The following DNAAF1 variants were observed in gnomAD, a reference collection of about 807,000 sequenced individuals.
DNAAF1 encodes the protein dynein axonemal assembly factor 1.
In DNAAF1, 65 loss-of-function variants were observed where a neutral mutation model predicts 71.1. The ratio of observed to expected loss-of-function variants is 0.91; its 90% CI spans 0.75 to 1.12. The LOEUF is 1.12. Ranked by LOEUF, DNAAF1 falls within the 50% of genes most tolerant of loss-of-function variation. The pLI is 0.00. For synonymous variants in DNAAF1, 414 were observed against 354.6 expected, an observed-to-expected ratio of 1.17 and a Z score of -1.88; for missense variants, 1,178 against 899.8, an observed-to-expected ratio of 1.31 and a Z score of -3.96.
chr16:84,170,390 A>C, intron 8 of DNAAF1, 34 bp downstream of exon 8: 2 of 1,613,046 alleles, frequency 1.2e-6, no homozygotes, highest in Non-Finnish European at 1.7e-6. Context: ...ACAGACACAC[A>C]CACCTCTCAG....
intron 5 of DNAAF1, among the ~76,000 whole-genome samples, chr16:84,158,124 G>A (rs1392451313): frequency 1.3e-5 from 2 of 152,144 alleles, no homozygotes; most frequent in South Asian, 2.1e-4. Context: ...AGAATGGCGC[G>A]AACCTGGGAG....
rs182696815 is a variant in DNAAF1 at position 84,156,356 on chromosome 16, A to G, written c.741+607A>G. 4.6e-5 allele frequency among the ~76,000 whole-genome samples: 7 copies of G among 152,330 alleles called. No individual in the cohort carries two copies. The East Asian group carries it at 1.3e-3, about 29-fold the overall frequency. On this transcript the variant is annotated intron_variant, in intron 5 of 11. Coordinates refer to ENST00000378553, the MANE Select transcript of DNAAF1 (RefSeq NM_178452.6). ...GATTGCATCCTTGTGGTGCCACTTA[A>G]CATGTTCTGCTGGCCCTGGTATTTC... is the stretch of plus-strand genomic sequence containing the variant.
intron 8 of DNAAF1, among the ~76,000 whole-genome samples, chr16:84,171,484 A>G (rs911452891): frequency 1.3e-5 from 2 of 152,140 alleles, no homozygotes; most frequent in Admixed American, 6.5e-5. Context: ...AAAAAGGAAA[A>G]GTAGGGGCCT....
At chr16:84,152,821 A>T (rs2036664680) in intron 3 of DNAAF1, among the ~76,000 whole-genome samples, 1 of 152,084 alleles carries the variant, frequency 6.6e-6, no homozygotes, top group Admixed American at 6.5e-5. Flanking sequence ...AGGTGTGGTG[A>T]TGGCGGGTAC....
intron 8 of DNAAF1, among the ~76,000 whole-genome samples, chr16:84,171,280 C>A (rs542474843): frequency 5.9e-5 from 9 of 152,050 alleles, no homozygotes; most frequent in Non-Finnish European, 1.3e-4. Context: ...CCCCGCAACC[C>A]CCAAGCCTCT....
At position 84,176,241 on chromosome 16, in the gene DNAAF1, T is replaced by G. The variant is rs775423519; in HGVS notation, c.2007T>G (p.Ala669=). The part of the protein sequence containing the change: ...LLMPPTCQRD[A]APLTSSGDRD... The stretch of plus-strand genomic sequence containing the variant: ...TGCCCCCCACCTGCCAAAGAGATGC[T>G]GCACCACTCACTTCCAGTGGAGACA... The change falls in exon 11 of 12, where the codon GCT becomes GCG. Residue 669 remains alanine, a synonymous_variant. Coordinates refer to ENST00000378553, the MANE Select transcript of DNAAF1 (RefSeq NM_178452.6). The G allele has an allele frequency of 1.2e-6, 2 of 1,613,742 alleles. No homozygotes were observed. The highest frequency in any genetic ancestry group is 3.3e-5 in the Admixed American group (2 of 60,030).
chr16:84,153,967 A>T, intron 3 of DNAAF1, among the ~76,000 whole-genome samples: 1 of 151,966 alleles, frequency 6.6e-6, no homozygotes, highest in South Asian at 2.1e-4. Flanking sequence ...ACCCCCTAGG[A>T]TTCATCAAAG....
rs754836834 is a variant in DNAAF1, at chr16:84,172,281, C to T, written c.1550C>T (p.Ala517Val). The T allele has an allele frequency of 1.3e-5, 21 of 1,614,006 alleles. No individual in the cohort carries two copies. The highest frequency in any genetic ancestry group is 6.7e-5 in the Admixed American group (4 of 60,002). ...AREEPTPQAV[A>V]TEGVFVTELD... ...TTAGAACCGACTCCCCAGGCTGTGG[C>T]CACTGAGGGTGTATTCGTTACAGAA... The change falls in exon 9 of 12, where the codon GCC becomes GTC. Residue 517 changes from alanine (A) to valine (V), a missense_variant. Coordinates refer to ENST00000378553, the MANE Select transcript of DNAAF1 (RefSeq NM_178452.6).
intron 5 of DNAAF1, among the ~76,000 whole-genome samples, chr16:84,158,075 T>C (rs1424604243): frequency 2.0e-5 from 3 of 151,926 alleles, no homozygotes; most frequent in African/African-American, 2.4e-5. Context: ...CGTGGTGGCA[T>C]GCACCTGTAG....
At chr16:84,172,923 A>T (rs1217288247) in intron 9 of DNAAF1, 10 of 1,006,854 alleles carry the variant, frequency 9.9e-6, no homozygotes, top group Non-Finnish European at 1.2e-5. Flanking sequence ...TCTTCCCTGA[A>T]GCTCTTCCCA....
chr16:84,145,409 G>T lies in DNAAF1; in HGVS notation c.-32G>T. The T allele has an allele frequency of 6.4e-7, 1 of 1,570,960 alleles. No individual in the cohort carries two copies. ...CCGCCGCGAACCTGGGCCCCCCAAA[G>T]CTGCGGGGCGTTCGGTGTCGCCGAA... On this transcript the variant is annotated 5_prime_UTR_variant, in exon 1 of 12. Coordinates refer to ENST00000378553, the MANE Select transcript of DNAAF1 (RefSeq NM_178452.6).
intron 9 of DNAAF1, chr16:84,174,124 T>C (rs1170333227): frequency 3.2e-6 from 3 of 949,798 alleles, no homozygotes; most frequent in African/African-American, 3.6e-5. Context: ...AGCTAGAAAA[T>C]GGTGGTGGGG....
At chr16:84,155,904 G>C (rs1467705012) in intron 5 of DNAAF1, among the ~76,000 whole-genome samples, 155 bp downstream of exon 5, 1 of 151,864 alleles carries the variant, frequency 6.6e-6, no homozygotes, top group Non-Finnish European at 1.5e-5. Context: ...TGGAGTATCT[G>C]AAATGCCAGT....
At chr16:84,150,210 C>T (rs2087120094) in intron 2 of DNAAF1, 41 bp from the exon 3 acceptor site, 3 of 1,457,096 alleles carry the variant, frequency 2.1e-6, no homozygotes, top group Non-Finnish European at 2.9e-6. Flanking sequence ...TTACAGCTGA[C>T]AATTTGCAAT....
intron 4 of DNAAF1, among the ~76,000 whole-genome samples, chr16:84,155,024 T>C (rs1268080279): frequency 6.6e-6 from 1 of 152,006 alleles, no homozygotes; most frequent in Non-Finnish European, 1.5e-5. Context: ...TTCTCCTGCC[T>C]TAGCCTCCAA....
intron 3 of DNAAF1, among the ~76,000 whole-genome samples, chr16:84,154,120 A>G (rs1312180208): frequency 2.0e-5 from 3 of 152,306 alleles, no homozygotes; most frequent in South Asian, 4.1e-4. Flanking sequence ...TGTGGATGCC[A>G]GGTAGGCAGG....
chr16:84,150,233 A>G lies in DNAAF1; in HGVS notation c.261-18A>G, dbSNP rs2087120921. 2 of 1,586,124 alleles carry G rather than the reference A, an allele frequency of 1.3e-6. No individual in the cohort carries two copies. Among genetic ancestry groups the G allele is most frequent in the Non-Finnish European group, 1.7e-6 (2 of 1,154,578 alleles). ...GACAATTTGCAATAAGCTTATTCAT[A>G]TTTTTCCATTTTAACAGAATGACTA... On this transcript the variant is annotated intron_variant, in intron 2 of 11. Transcript: ENST00000378553.
At chr16:84,156,189 C>A (rs1168388439) in intron 5 of DNAAF1, among the ~76,000 whole-genome samples, 1 of 152,266 alleles carries the variant, frequency 6.6e-6, no homozygotes, top group Non-Finnish European at 1.5e-5. Flanking sequence ...TCTTGAACTC[C>A]TGACCTTGAG....
At chr16:84,150,781 T>C (rs2151211477) in intron 3 of DNAAF1, among the ~76,000 whole-genome samples, 1 of 152,106 alleles carries the variant, frequency 6.6e-6, no homozygotes, top group African/African-American at 2.4e-5. Context: ...GCCTTGCTAA[T>C]TTTTGTATTT....
Sources: allele counts gnomAD v4.1 joint callset (sites outside exome capture counted in the v4.1 genomes callset), GRCh38; gene constraint gnomAD v4.1.1; transcripts MANE v1.5; gene names NCBI Gene and HGNC (gene_info 2026-07-23, HGNC 2026-07-21).